Variants in NKAIN2 observed in about 807,000 individuals in gnomAD.
NKAIN2 encodes sodium/potassium transporting ATPase interacting 2.
A neutral mutation model predicts 32.6 loss-of-function variants in NKAIN2; 14 were observed. The observed-to-expected ratio is 0.43, with a 90% CI of 0.28 to 0.67. The LOEUF (loss-of-function observed/expected upper bound fraction) is 0.67. Among genes scored for constraint, NKAIN2 ranks in the 30% least tolerant of loss-of-function variants. NKAIN2 has a pLI of 0.17. For missense variants in NKAIN2, 198 were observed against 258.3 expected (o/e 0.77, Z 1.60); for synonymous variants, 80 against 87.2 (o/e 0.92, Z 0.46).
At chr6:123,928,409 G>T (rs1776106204) in intron 1 of NKAIN2, among the ~76,000 whole-genome samples, 1 of 152,200 alleles carries the variant, frequency 6.6e-6, no homozygotes. Flanking sequence ...TAAAATAAAA[G>T]TTGAAAATTT....
chr6:124,438,398 C>A (rs332612), intron 3 of NKAIN2, among the ~76,000 whole-genome samples: 2,234 of 151,984 alleles, frequency 0.015, 52 homozygotes, highest in African/African-American at 0.05. Flanking sequence ...AATTCAGGAT[C>A]CTTACTTATG....
chr6:123,898,234 C>T (rs1774378919), intron 1 of NKAIN2, among the ~76,000 whole-genome samples: 1 of 152,112 alleles, frequency 6.6e-6, no homozygotes, highest in Non-Finnish European at 1.5e-5. Context: ...CACTTGAAGT[C>T]CAGGATTTTA....
chr6:124,523,921 T>C (rs1400545229), intron 3 of NKAIN2, among the ~76,000 whole-genome samples: 3 of 152,206 alleles, frequency 2.0e-5, no homozygotes, highest in Admixed American at 1.3e-4. Flanking sequence ...TTACTACCAA[T>C]GGATTAGTTT....
intron 1 of NKAIN2, among the ~76,000 whole-genome samples, chr6:123,832,152 C>T (rs1026166653): frequency 9.9e-5 from 15 of 152,114 alleles, no homozygotes; most frequent in African/African-American, 3.6e-4. Flanking sequence ...CCCAGCCAAC[C>T]CTTGCAACCA....
intron 3 of NKAIN2, among the ~76,000 whole-genome samples, chr6:124,458,519 T>C (rs1289429718): frequency 6.6e-6 from 1 of 151,898 alleles, no homozygotes. Flanking sequence ...GGAATACCAT[T>C]TCCTCTGGAT....
intron 3 of NKAIN2, among the ~76,000 whole-genome samples, chr6:124,394,810 C>T (rs1382659464): frequency 6.6e-6 from 1 of 152,130 alleles, no homozygotes; most frequent in African/African-American, 2.4e-5. Flanking sequence ...TAATCTCATC[C>T]ACAAACACCC....
At chr6:124,216,289 G>A (rs1791474743) in intron 1 of NKAIN2, among the ~76,000 whole-genome samples, 1 of 152,040 alleles carries the variant, frequency 6.6e-6, no homozygotes, top group Non-Finnish European at 1.5e-5. Flanking sequence ...TGCCTAAGAG[G>A]AATTATAACT....
chr6:124,573,794 G>A (rs1035373630), intron 3 of NKAIN2, among the ~76,000 whole-genome samples: 4 of 152,204 alleles, frequency 2.6e-5, no homozygotes, highest in South Asian at 4.2e-4. Context: ...TTGCACTTAC[G>A]TTAAAATCTC....
chr6:124,344,202 G>C (rs1798287235), intron 2 of NKAIN2, among the ~76,000 whole-genome samples: 1 of 152,058 alleles, frequency 6.6e-6, no homozygotes, highest in Admixed American at 6.6e-5. Flanking sequence ...TCTCTGTTTT[G>C]GTACCAGTAC....
intron 3 of NKAIN2, among the ~76,000 whole-genome samples, chr6:124,420,239 G>A (rs1050172651): frequency 6.6e-6 from 1 of 152,118 alleles, no homozygotes; most frequent in African/African-American, 2.4e-5. Flanking sequence ...TCTGACACTT[G>A]AAGTAGGAAA....
intron 1 of NKAIN2, among the ~76,000 whole-genome samples, chr6:123,857,540 C>T (rs969788765): frequency 6.6e-6 from 1 of 151,988 alleles, no homozygotes; most frequent in Non-Finnish European, 1.5e-5. Context: ...GAAGATTAAA[C>T]GTGGAGAAAA....
At chr6:124,463,927 C>T (rs776808924) in intron 3 of NKAIN2, among the ~76,000 whole-genome samples, 1 of 152,024 alleles carries the variant, frequency 6.6e-6, no homozygotes, top group Non-Finnish European at 1.5e-5. Context: ...CTATTTGTAA[C>T]CTCTAAAGAT....
intron 1 of NKAIN2, among the ~76,000 whole-genome samples, chr6:124,050,085 G>A (rs2114830887): frequency 1.3e-5 from 2 of 152,096 alleles, no homozygotes; most frequent in African/African-American, 4.8e-5. Context: ...TGAGATTTAA[G>A]GCATCCACTG....
intron 1 of NKAIN2, among the ~76,000 whole-genome samples, chr6:124,271,279 C>T (rs540889691): frequency 1.5e-4 from 23 of 152,166 alleles, no homozygotes; most frequent in Admixed American, 3.9e-4. Flanking sequence ...TGCAGTGGCA[C>T]GATCTCGGCT....
intron 1 of NKAIN2, among the ~76,000 whole-genome samples, chr6:124,273,160 TG>T (rs2114885073): frequency 6.6e-6 from 1 of 152,250 alleles, no homozygotes; most frequent in South Asian, 2.1e-4. Flanking sequence ...ACATGAGATT[TG>T]GAAGAGGTGG....
At chr6:123,999,663 CTTTTA>C (rs1030893752) in intron 1 of NKAIN2, among the ~76,000 whole-genome samples, 3 of 151,988 alleles carry the variant, frequency 2.0e-5, no homozygotes, top group Admixed American at 6.6e-5. Context: ...TATAGTACTG[CTTTTA>C]TTTTATTAAG....
intron 1 of NKAIN2, among the ~76,000 whole-genome samples, chr6:124,154,254 T>G (rs1787871085): frequency 1.3e-5 from 2 of 151,844 alleles, no homozygotes; most frequent in South Asian, 4.1e-4. Context: ...ATATGAATAC[T>G]TAATTTGAAT....
chr6:124,182,683 A>G (rs897118047), intron 1 of NKAIN2, among the ~76,000 whole-genome samples: 1 of 152,204 alleles, frequency 6.6e-6, no homozygotes, highest in Non-Finnish European at 1.5e-5. Context: ...GTCTATATCC[A>G]TATATTAATG....
intron 4 of NKAIN2, among the ~76,000 whole-genome samples, chr6:124,727,194 G>A (rs1050762692): frequency 1.3e-5 from 2 of 150,806 alleles, no homozygotes; most frequent in African/African-American, 4.9e-5. Context: ...TCAGATTCAG[G>A]AAATACAGAG....
Sources: allele counts gnomAD v4.1 joint callset (sites outside exome capture counted in the v4.1 genomes callset), GRCh38; gene constraint gnomAD v4.1.1; transcripts MANE v1.5; gene names NCBI Gene and HGNC (gene_info 2026-07-23, HGNC 2026-07-21).